PIEZO2: variants seen among roughly 807,000 people sequenced by gnomAD.
The protein encoded by PIEZO2 is piezo-type mechanosensitive ion channel component 2.
PIEZO2 carries 172 observed loss-of-function variants against 337.3 expected under a neutral mutation model. The ratio of observed to expected loss-of-function variants is 0.51; its 90% confidence interval spans 0.45 to 0.58. The LOEUF is 0.58. PIEZO2 is among the 20% of genes least tolerant of loss of function. PIEZO2 has a pLI of 0.00. For missense variants in PIEZO2, 3,028 were observed against 3,391.3 expected, an observed-to-expected ratio of 0.89 and a Z score of 2.66; for synonymous variants, 1,251 against 1,228.5, an observed-to-expected ratio of 1.02 and a Z score of -0.38.
chr18:10,674,371 A>C (rs540647511), intron 54 of PIEZO2, among the ~76,000 whole-genome samples: 155 of 152,380 alleles, frequency 1.0e-3, no homozygotes, highest in Non-Finnish European at 1.8e-3. Context: ...GGAAATAGCA[A>C]ACTTCTTAAT....
intron 39 of PIEZO2, among the ~76,000 whole-genome samples, chr18:10,710,251 G>A (rs1336796045): frequency 6.6e-6 from 1 of 152,170 alleles, no homozygotes; most frequent in Non-Finnish European, 1.5e-5. Context: ...ACACAGTTGG[G>A]TTCCCGGTAG....
chr18:10,948,812 T>C (rs1768637158), intron 3 of PIEZO2, among the ~76,000 whole-genome samples: 1 of 152,218 alleles, frequency 6.6e-6, no homozygotes, highest in African/African-American at 2.4e-5. Flanking sequence ...TTTTATAATG[T>C]GTGTATGTTA....
rs559932857 is a variant in PIEZO2 at position 11,033,144 on chromosome 18, T to G, written c.160+32983A>C. ...AGCATTTACCGTGAGCCCAACACAT[T>G]ACGTCATTGAGTCCTCTCTACAACA... On this transcript the variant is annotated intron_variant, in intron 2 of 55. Coordinates refer to ENST00000674853, the MANE Select transcript of PIEZO2 (RefSeq NM_001378183.1). This position sits in a 1 kb window ranked among gnomAD's most constrained non-coding sequence, Gnocchi z 4.2. Among the ~76,000 whole-genome samples, 1 of 152,220 alleles carries G rather than the reference T, an allele frequency of 6.6e-6. No homozygotes were observed. Among genetic ancestry groups the G allele is most frequent in the Non-Finnish European group, 1.5e-5 (1 of 68,042 alleles).
In PIEZO2 at chr18:10,682,082, G is replaced by A; in HGVS notation, c.7686+22C>T. On this transcript the variant is annotated intron_variant, in intron 50 of 55. Coordinates refer to ENST00000674853, the MANE Select transcript of PIEZO2 (RefSeq NM_001378183.1). This position sits in a 1 kb window ranked among gnomAD's most constrained non-coding sequence, Gnocchi z 5.6. ...GTGGCGTGGGGCAAGGCTCTGGTAG[G>A]TGGGGTGTGCACAGAGATCACCTGA... 1 of 1,524,700 alleles carries A rather than the reference G, an allele frequency of 6.6e-7. No individual in the cohort carries two copies. The highest frequency in any genetic ancestry group is 8.8e-7 in the Non-Finnish European group (1 of 1,139,192). 94.4% of individuals were successfully genotyped at this position (1,524,700 alleles called of 1,614,324 possible). A position where few individuals can be genotyped will look rare whatever the true frequency, so the allele number is the denominator to read the frequency against.
At chr18:10,701,642 T>C (rs1367607344) in intron 43 of PIEZO2, among the ~76,000 whole-genome samples, 2 of 152,240 alleles carry the variant, frequency 1.3e-5, no homozygotes, top group African/African-American at 2.4e-5. Context: ...CAGAATTTAG[T>C]GTATCCGGCC....
intron 32 of PIEZO2, among the ~76,000 whole-genome samples, chr18:10,742,011 C>T (rs868798272): frequency 4.6e-5 from 7 of 151,904 alleles, no homozygotes; most frequent in Non-Finnish European, 7.4e-5. Flanking sequence ...AAAAATTAGC[C>T]GGGCGTGGTG....
In PIEZO2 at chr18:10,705,627, T is replaced by C; in HGVS notation, c.5708A>G (p.Lys1903Arg). 6.5e-7 allele frequency: 1 copy of C among 1,537,170 alleles called. No individual in the cohort carries two copies. Among genetic ancestry groups the C allele is most frequent in the Non-Finnish European group, 8.7e-7 (1 of 1,146,902 alleles). Reference protein sequence around the residue: ...GSTAPEPREAKEYEATGYDVG... With the variant: ...GSTAPEPREAREYEATGYDVG... The stretch of plus-strand genomic sequence containing the variant: ...ATCGTACCCAGTGGCCTCGTACTCC[T>C]TGGCCTCCCTGGGCTCAGGCGCCGT... Residue 1903 changes from lysine to arginine, a missense_variant, in exon 41 of 56, where the codon AAG becomes AGG. Around this residue, in one of 5 missense-constraint regions of PIEZO2, gnomAD observed 1,925 missense variants for 2,051.9 expected, o/e 0.94. Coordinates refer to ENST00000674853, the MANE Select transcript of PIEZO2 (RefSeq NM_001378183.1).
At position 10,862,458 on chromosome 18, in the gene PIEZO2, T is replaced by G. The variant is rs964360283; in HGVS notation, c.493-5247A>C. The stretch of plus-strand genomic sequence containing the variant: ...ATCTAAACCTTTGCGTCTCTGCATC[T>G]CATCCCACAACATCCTCTCACCCTA... On this transcript the variant is annotated intron_variant, in intron 5 of 55. Transcript: ENST00000674853. This position sits in a 1 kb window ranked among gnomAD's most constrained non-coding sequence, Gnocchi z 4.4. Among the ~76,000 whole-genome samples the G allele has an allele frequency of 1.3e-5, 2 of 152,180 alleles. No homozygotes were observed. The highest frequency in any genetic ancestry group is 2.9e-5 in the Non-Finnish European group (2 of 68,042).
intron 7 of PIEZO2, among the ~76,000 whole-genome samples, chr18:10,832,134 C>A (rs1171011382): frequency 6.6e-6 from 1 of 152,008 alleles, no homozygotes; most frequent in Non-Finnish European, 1.5e-5. Flanking sequence ...ACTGCCTCTA[C>A]AAAAAATACA....
intron 1 of PIEZO2, among the ~76,000 whole-genome samples, chr18:11,090,003 G>T (rs750590439): frequency 6.6e-6 from 1 of 152,282 alleles, no homozygotes; most frequent in Non-Finnish European, 1.5e-5. Context: ...TCTAAAGTGG[G>T]CTTCACAGTA....
chr18:11,144,781 C>T (rs919534854), intron 1 of PIEZO2, among the ~76,000 whole-genome samples: 2 of 152,120 alleles, frequency 1.3e-5, no homozygotes, highest in East Asian at 1.9e-4. Flanking sequence ...TTTTAGGGGA[C>T]GGGCAGCCAT....
At chr18:10,739,525 T>G (rs2037135561) in intron 33 of PIEZO2, 1 of 152,182 alleles carries the variant, frequency 6.6e-6, no homozygotes, top group African/African-American at 2.4e-5. Context: ...AAACATTCAA[T>G]ATGACACAAT....
At chr18:10,714,401 T>C (rs944575255) in intron 39 of PIEZO2, among the ~76,000 whole-genome samples, 5 of 152,188 alleles carry the variant, frequency 3.3e-5, no homozygotes, top group Admixed American at 6.5e-5. Flanking sequence ...TAGAAGACCC[T>C]AATGTAGAAG....
rs920201022 is a variant in PIEZO2 at position 11,105,389 on chromosome 18, A to G, written c.65-39167T>C. On this transcript the variant is annotated intron_variant, in intron 1 of 55. Coordinates refer to ENST00000674853, the MANE Select transcript of PIEZO2 (RefSeq NM_001378183.1). This position sits in a 1 kb window ranked among gnomAD's most constrained non-coding sequence, Gnocchi z 4.3. ...TCGACAAGAATATGTTCCATTTGTA[A>G]TAAATCTATGGATATGTAATAGCTC... Among the ~76,000 whole-genome samples the G allele has an allele frequency of 2.0e-5, 3 of 152,196 alleles. No homozygotes were observed. Among genetic ancestry groups the G allele is most frequent in the Non-Finnish European group, 4.4e-5 (3 of 68,038 alleles).
chr18:11,051,364 T>TGTGTGTGTGTGTGTGTGG (rs1288310705), intron 2 of PIEZO2, among the ~76,000 whole-genome samples: 1 of 151,856 alleles, frequency 6.6e-6, no homozygotes, highest in Non-Finnish European at 1.5e-5. Flanking sequence ...TGTGTGTGTG[T>TGTGTGTGTGTGTGTGTGG]GTGTGGGTGT....
chr18:11,007,266 T>C (rs1835017861), intron 2 of PIEZO2, among the ~76,000 whole-genome samples: 1 of 152,350 alleles, frequency 6.6e-6, no homozygotes, highest in Non-Finnish European at 1.5e-5. Flanking sequence ...TAAGGAAAGT[T>C]AATAAATATA....
Position 10,705,407 on chromosome 18 carries a change from G to C in PIEZO2, c.5928C>G (p.Thr1976=), listed in dbSNP as rs759333914. Reference sequence around the variant, plus strand: ...GTAAGATGCTGGACCCCAGCTTGTCGGTGCGGCTGTCGTCCGGGCTGACTG... The same window carrying C: ...GTAAGATGCTGGACCCCAGCTTGTCCGTGCGGCTGTCGTCCGGGCTGACTG... ...RMAVSPDDSR[T]DKLGSSILPP... The change falls in exon 41 of 56, where the codon ACC becomes ACG. Residue 1976 remains threonine, a synonymous_variant. Transcript: ENST00000674853. 4 of 1,537,138 alleles carry C rather than the reference G, an allele frequency of 2.6e-6. No individual in the cohort carries two copies. The highest frequency in any genetic ancestry group is 3.5e-6 in the Non-Finnish European group (4 of 1,146,916).
intron 2 of PIEZO2, among the ~76,000 whole-genome samples, chr18:11,064,016 G>A (rs750659251): frequency 6.6e-6 from 1 of 150,992 alleles, no homozygotes; most frequent in Non-Finnish European, 1.5e-5. Flanking sequence ...TGACACTAAT[G>A]ATATCTGATG....
intron 4 of PIEZO2, among the ~76,000 whole-genome samples, chr18:10,876,317 C>T (rs2042267334): frequency 6.6e-6 from 1 of 152,178 alleles, no homozygotes; most frequent in Non-Finnish European, 1.5e-5. Context: ...AAAACAGTTA[C>T]ATTTATTTGA....
Sources: allele counts gnomAD v4.1 joint callset (sites outside exome capture counted in the v4.1 genomes callset), GRCh38; gene constraint gnomAD v4.1.1; regional missense constraint gnomAD v4.1.1; non-coding constraint Gnocchi (gnomAD v3.1); transcripts MANE v1.5; gene names NCBI Gene and HGNC (gene_info 2026-07-23, HGNC 2026-07-21).